URM1: variants seen among roughly 807,000 people sequenced by gnomAD.
URM1 encodes the protein ubiquitin-related modifier 1.
Under a neutral mutation model 17.7 loss-of-function variants are expected in URM1, and 11 were observed. The ratio of observed to expected loss-of-function variants is 0.62; its 90% CI spans 0.39 to 1.03. URM1 has a LOEUF of 1.03. URM1 is among the 50% of genes least tolerant of loss of function. The pLI, the probability that URM1 is intolerant of heterozygous loss-of-function variation, is 0.00. For synonymous variants in URM1, 48 were observed against 50.6 expected (o/e 0.95, Z 0.22); for missense variants, 128 against 129.2 (o/e 0.99, Z 0.04).
intron 1 of URM1, among the ~76,000 whole-genome samples, chr9:128,375,824 A>G (rs575097928): frequency 6.6e-6 from 1 of 152,182 alleles, no homozygotes; most frequent in South Asian, 2.1e-4. Flanking sequence ...TCAGCCTCCC[A>G]AAGTGCTAGA....
chr9:128,388,145 C>T, intron 3 of URM1: 10 of 1,303,284 alleles, frequency 7.7e-6, no homozygotes, highest in Non-Finnish European at 9.7e-6. Flanking sequence ...CTCTGGTTGC[C>T]ACAGACTTGC....
intron 1 of URM1, among the ~76,000 whole-genome samples, chr9:128,372,458 T>C (rs1025860024): frequency 1.3e-5 from 2 of 152,262 alleles, no homozygotes; most frequent in East Asian, 1.9e-4. Flanking sequence ...TCACCAGCCA[T>C]TTATTGAGTG....
chr9:128,376,223 TGTG>T (rs1269171261), intron 1 of URM1, among the ~76,000 whole-genome samples: 2 of 151,814 alleles, frequency 1.3e-5, no homozygotes, highest in Non-Finnish European at 1.5e-5. Flanking sequence ...ATTAGGCAGG[TGTG>T]GTGACACGTG....
At chr9:128,385,726 G>A (rs1449543683) in intron 2 of URM1, among the ~76,000 whole-genome samples, 1 of 152,134 alleles carries the variant, frequency 6.6e-6, no homozygotes, top group Non-Finnish European at 1.5e-5. Context: ...TGTGTTTCAG[G>A]CCAGGCCGAG....
At chr9:128,388,162 A>G in intron 3 of URM1, 1 of 1,260,814 alleles carries the variant, frequency 7.9e-7, no homozygotes, top group Admixed American at 3.7e-5. Context: ...TTGCTGTGGG[A>G]CCTTAGGCGA....
At chr9:128,381,085 A>G (rs1331722722) in intron 2 of URM1, among the ~76,000 whole-genome samples, 1 of 151,968 alleles carries the variant, frequency 6.6e-6, no homozygotes, top group African/African-American at 2.4e-5. Context: ...CGGCCTCCCA[A>G]AGTGCTGGGA....
chr9:128,381,352 AG>A (rs1431852106), intron 2 of URM1, among the ~76,000 whole-genome samples: 1 of 152,188 alleles, frequency 6.6e-6, no homozygotes, highest in Non-Finnish European at 1.5e-5. Context: ...GGAGAACCAA[AG>A]GGTACTTGAA....
At chr9:128,388,445 T>C in intron 3 of URM1, 1 of 986,026 alleles carries the variant, frequency 1.0e-6, no homozygotes, top group Non-Finnish European at 1.2e-6. Flanking sequence ...AAGGACCAGG[T>C]TCCAGTTGCC....
At chr9:128,381,983 C>T (rs1442391243) in intron 2 of URM1, among the ~76,000 whole-genome samples, 3 of 152,196 alleles carry the variant, frequency 2.0e-5, no homozygotes, top group African/African-American at 7.2e-5. Context: ...AGATAAGAGA[C>T]CCCTAAAAGA....
Position 128,373,896 on chromosome 9 carries a change from A to T in URM1, c.35+2481A>T, listed in dbSNP as rs191419428. On this transcript the variant is annotated intron_variant, in intron 1 of 4. Transcript: ENST00000372853. ...CCAGCAGGTGGAGAGGAAGTAAATA[A>T]ACAAAATATATATATACGTGTATAT... is the stretch of plus-strand genomic sequence containing the variant. 1.7e-4 allele frequency among the ~76,000 whole-genome samples: 26 copies of T among 152,370 alleles called. No individual in the cohort carries two copies. The East Asian group carries it at 4.0e-3, about 24-fold the overall frequency.
chr9:128,375,233 G>A (rs1358926110), intron 1 of URM1, among the ~76,000 whole-genome samples: 1 of 152,186 alleles, frequency 6.6e-6, no homozygotes, highest in Non-Finnish European at 1.5e-5. Context: ...CTTAGTTGAT[G>A]CCAGGCCTCA....
chr9:128,375,839 C>T (rs1201766325), intron 1 of URM1, among the ~76,000 whole-genome samples: 1 of 152,074 alleles, frequency 6.6e-6, no homozygotes, highest in African/African-American at 2.4e-5. Context: ...GCTAGAGTTA[C>T]AGGTGTGAGC....
At chr9:128,385,130 T>A (rs978561413) in intron 2 of URM1, among the ~76,000 whole-genome samples, 7 of 152,090 alleles carry the variant, frequency 4.6e-5, no homozygotes, top group Non-Finnish European at 4.4e-5. Context: ...CCTGGCCCCA[T>A]CTCCTGCTGA....
At position 128,389,963 on chromosome 9, in the gene URM1, C is replaced by G. The variant is rs1833288021; in HGVS notation, c.*229C>G. 1.7e-6 allele frequency: 1 copy of G among 590,996 alleles called. No homozygotes were observed. 36.6% of individuals were successfully genotyped at this position (590,996 alleles called of 1,614,324 possible). A position where few individuals can be genotyped will look rare whatever the true frequency, so the allele number is the denominator to read the frequency against. On this transcript the variant is annotated 3_prime_UTR_variant, in exon 5 of 5. Transcript: ENST00000372853. ...CGCCAGAGCCCAGCACTCCCTTTTC[C>G]AGCAGCTGTGGTGGGGGAGGGTTCC...
rs1427411205 is a variant in URM1, at chr9:128,389,760, C to A, written c.*26C>A. ...GGGCCCTTCTCTGGGCCTGGGCACC[C>A]TTAGAGGGGAGAACGAAGCAATCAG... On this transcript the variant is annotated 3_prime_UTR_variant, in exon 5 of 5. Coordinates refer to ENST00000372853, the MANE Select transcript of URM1 (RefSeq NM_030914.4). 1 of 1,613,094 alleles carries A rather than the reference C, an allele frequency of 6.2e-7. No individual in the cohort carries two copies. Among genetic ancestry groups the A allele is most frequent in the African/African-American group, 1.3e-5 (1 of 74,936 alleles).
At chr9:128,389,199 T>C in intron 3 of URM1, 62 bp from the exon 4 acceptor site, 1 of 1,539,634 alleles carries the variant, frequency 6.5e-7, no homozygotes, top group Non-Finnish European at 8.8e-7. Flanking sequence ...TCAGCCTCTC[T>C]TCCTCTGTGC....
At chr9:128,372,209 C>T (rs1316617423) in intron 1 of URM1, among the ~76,000 whole-genome samples, 2 of 151,918 alleles carry the variant, frequency 1.3e-5, no homozygotes, top group Admixed American at 6.6e-5. Flanking sequence ...AAGAAACAGG[C>T]CTTGAAAGAT....
chr9:128,384,698 C>A (rs1833204014), intron 2 of URM1, among the ~76,000 whole-genome samples: 1 of 152,112 alleles, frequency 6.6e-6, no homozygotes, highest in Non-Finnish European at 1.5e-5. Flanking sequence ...ATATGCAGGG[C>A]ACAGTGCTGA....
At chr9:128,386,020 A>G (rs530867835) in intron 2 of URM1, among the ~76,000 whole-genome samples, 3 of 152,182 alleles carry the variant, frequency 2.0e-5, no homozygotes, top group South Asian at 4.1e-4. Flanking sequence ...CTCCACCATG[A>G]CCACTAGCCC....
Sources: gnomAD v4.1 joint callset for allele counts (sites outside exome capture counted in the v4.1 genomes callset) on GRCh38, gnomAD v4.1.1 for gene constraint, MANE v1.5 for transcripts, NCBI Gene and HGNC (gene_info 2026-07-23, HGNC 2026-07-21) for gene names.